The following DOCK7 variants were observed in gnomAD, a reference collection of about 807,000 sequenced individuals.
The protein encoded by DOCK7 is dedicator of cytokinesis protein 7.
A neutral mutation model predicts 271.0 loss-of-function variants in DOCK7; 138 were observed. The ratio of observed to expected loss-of-function variants is 0.51; its 90% CI spans 0.44 to 0.59. The LOEUF (loss-of-function observed/expected upper bound fraction) is 0.59. Among genes scored for constraint, DOCK7 ranks in the 20% least tolerant of loss-of-function variants. DOCK7 has a pLI of 0.00. For missense variants in DOCK7, 2,066 were observed against 2,592.4 expected (o/e 0.80, Z 4.41); for synonymous variants, 823 against 876.1 (o/e 0.94, Z 1.07).
intron 14 of DOCK7, among the ~76,000 whole-genome samples, chr1:62,595,958 T>G (rs987678814): frequency 6.6e-6 from 1 of 152,214 alleles, no homozygotes; most frequent in South Asian, 2.1e-4. Flanking sequence ...GGAAATGGTT[T>G]ATTTTGTATT....
At chr1:62,549,528 A>T (rs10789113) in intron 22 of DOCK7, among the ~76,000 whole-genome samples, 53,883 of 152,026 alleles carry the variant, frequency 0.35, 9,945 homozygotes, top group African/African-American at 0.45. Flanking sequence ...GTGGGTACAT[A>T]GTAGACATAT....
intron 48 of DOCK7, among the ~76,000 whole-genome samples, chr1:62,462,153 A>T (rs1645549319): frequency 6.6e-6 from 1 of 152,184 alleles, no homozygotes. Flanking sequence ...TCTACACAAA[A>T]AATTTAAATA....
At chr1:62,464,058 A>T (rs1645605116) in intron 48 of DOCK7, among the ~76,000 whole-genome samples, 1 of 152,084 alleles carries the variant, frequency 6.6e-6, no homozygotes, top group Non-Finnish European at 1.5e-5. Flanking sequence ...TTAGTAATAA[A>T]AGCCATTTTC....
intron 27 of DOCK7, 103 bp from the exon 28 acceptor site, chr1:62,538,164 T>C: frequency 7.7e-7 from 1 of 1,301,164 alleles, no homozygotes; most frequent in East Asian, 2.5e-5. Context: ...GTACTTGGTA[T>C]CCAGTTTGGG....
At chr1:62,558,539 C>T (rs986505921) in intron 20 of DOCK7, among the ~76,000 whole-genome samples, 7 of 151,954 alleles carry the variant, frequency 4.6e-5, no homozygotes, top group Admixed American at 4.6e-4. Context: ...AAAACAGAGA[C>T]TAAGAAAATG....
intron 42 of DOCK7, chr1:62,488,685 TTAA>T: frequency 2.2e-6 from 1 of 453,280 alleles, no homozygotes; most frequent in Non-Finnish European, 4.0e-6. Flanking sequence ...AACTTGCTAA[TTAA>T]TAATTCAAAA....
chr1:62,458,877 T>A (rs1645429855), intron 48 of DOCK7: 1 of 152,170 alleles, frequency 6.6e-6, no homozygotes, highest in Non-Finnish European at 1.5e-5. Context: ...TTAATTCAAG[T>A]ATTTGAGAAA....
At chr1:62,673,131 A>G (rs922044030) in intron 1 of DOCK7, among the ~76,000 whole-genome samples, 3 of 150,900 alleles carry the variant, frequency 2.0e-5, no homozygotes, top group Non-Finnish European at 4.5e-5. Flanking sequence ...CCCAGTAACC[A>G]CTAAAGGCTC....
At chr1:62,577,188 C>T (rs1646964886) in intron 18 of DOCK7, 74 bp downstream of exon 18, 2 of 894,906 alleles carry the variant, frequency 2.2e-6, no homozygotes, top group African/African-American at 3.4e-5. Context: ...CAAGAGTTTG[C>T]TTGGTAAAAA....
Position 62,640,201 on chromosome 1 carries a change from T to C in DOCK7, c.819-3598A>G, listed in dbSNP as rs184093295. Among the ~76,000 whole-genome samples, 107 of 152,244 alleles carry C rather than the reference T, an allele frequency of 7.0e-4. 1 individual carries two copies. Among genetic ancestry groups the C allele is most frequent in the Admixed American group, 2.4e-3 (36 of 15,288 alleles). ...GACATTACTAATAAGATGTGGCTTA[T>C]TTGTTAGGTCTTTTGAAAATTAAGT... is the stretch of plus-strand genomic sequence containing the variant. On this transcript the variant is annotated intron_variant, in intron 7 of 49. Coordinates refer to ENST00000635253, the MANE Select transcript of DOCK7 (RefSeq NM_001367561.1).
At chr1:62,528,829 G>C (rs1645090181) in intron 30 of DOCK7, among the ~76,000 whole-genome samples, 1 of 152,116 alleles carries the variant, frequency 6.6e-6, no homozygotes, top group South Asian at 2.1e-4. Flanking sequence ...AAACTCTGTA[G>C]GTTCTAGTTT....
intron 31 of DOCK7, among the ~76,000 whole-genome samples, chr1:62,524,776 T>C (rs1263974434): frequency 6.6e-6 from 1 of 150,804 alleles, no homozygotes; most frequent in Non-Finnish European, 1.5e-5. Context: ...CAGTCATCTG[T>C]AATCCCAGCT....
chr1:62,466,189 T>G (rs1437295254), intron 48 of DOCK7, among the ~76,000 whole-genome samples: 1 of 151,982 alleles, frequency 6.6e-6, no homozygotes, highest in Non-Finnish European at 1.5e-5. Flanking sequence ...CTGAACAGGT[T>G]TTTTTTTGTT....
chr1:62,671,444 T>C (rs941740304), intron 1 of DOCK7, among the ~76,000 whole-genome samples: 6 of 152,142 alleles, frequency 3.9e-5, no homozygotes, highest in Non-Finnish European at 8.8e-5. Context: ...TATTAATCGT[T>C]ATATCCTCAA....
intron 7 of DOCK7, among the ~76,000 whole-genome samples, chr1:62,645,825 C>T (rs1490062478): frequency 6.6e-6 from 1 of 152,112 alleles, no homozygotes; most frequent in Non-Finnish European, 1.5e-5. Context: ...TGTATCCACA[C>T]AGTGGAATAT....
At chr1:62,455,571 TACTA>T in intron 49 of DOCK7, 115 bp from the exon 50 acceptor site, 1 of 946,046 alleles carries the variant, frequency 1.1e-6, no homozygotes, top group South Asian at 1.4e-5. Context: ...CACCATTTCT[TACTA>T]ACTTCCAAGT....
chr1:62,601,580 A>C (rs186647447), intron 14 of DOCK7, among the ~76,000 whole-genome samples: 219 of 151,846 alleles, frequency 1.4e-3, no homozygotes, highest in African/African-American at 4.9e-3. Context: ...TTTTTAAAAG[A>C]AAATAGTTTG....
chr1:62,503,496 G>A (rs1311459447), intron 37 of DOCK7, among the ~76,000 whole-genome samples: 1 of 151,056 alleles, frequency 6.6e-6, no homozygotes, highest in African/African-American at 2.4e-5. Context: ...GGAGTACAGT[G>A]GTGTGTTCAT....
At chr1:62,566,770 T>C (rs1646528922) in intron 18 of DOCK7, among the ~76,000 whole-genome samples, 1 of 151,962 alleles carries the variant, frequency 6.6e-6, no homozygotes, top group African/African-American at 2.4e-5. Context: ...ACCTACAAAA[T>C]GGGAGAAAAT....
Sources: gnomAD v4.1 joint callset for allele counts (sites outside exome capture counted in the v4.1 genomes callset) on GRCh38, gnomAD v4.1.1 for gene constraint, MANE v1.5 for transcripts, NCBI Gene and HGNC (gene_info 2026-07-23, HGNC 2026-07-21) for gene names.